The following MBNL3 variants were observed in gnomAD, a reference collection of about 807,000 sequenced individuals.
MBNL3 encodes muscleblind like splicing regulator 3.
In MBNL3, 6 loss-of-function variants were observed where a neutral mutation model predicts 24.5. The ratio of observed to expected loss-of-function variants is 0.25; its 90% confidence interval spans 0.13 to 0.48. The LOEUF (loss-of-function observed/expected upper bound fraction) is 0.48. Among genes scored for constraint, MBNL3 ranks in the 20% least tolerant of loss-of-function variants. The probability of loss-of-function intolerance (pLI) is 0.99; values close to 1 mark genes in which losing one functional copy is unlikely to be tolerated. For missense variants in MBNL3, 230 were observed against 293.5 expected, an observed-to-expected ratio of 0.78 and a Z score of 1.58; for synonymous variants, 100 against 101.7, an observed-to-expected ratio of 0.98 and a Z score of 0.10.
intron 5 of MBNL3, among the ~76,000 whole-genome samples, chrX:132,388,714 C>G (rs1295758201): frequency 9.0e-6 from 1 of 111,076 alleles, no homozygotes; most frequent in African/African-American, 3.3e-5. Flanking sequence ...TGTGGATGAA[C>G]TAAGTATCAA....
intron 1 of MBNL3, among the ~76,000 whole-genome samples, chrX:132,486,389 C>T (rs1195198911): frequency 1.8e-5 from 2 of 111,676 alleles, no homozygotes; most frequent in African/African-American, 6.5e-5. Context: ...TATACAATCA[C>T]TCAAAAGACA....
intron 1 of MBNL3, among the ~76,000 whole-genome samples, chrX:132,466,298 G>A (rs1015893423): frequency 2.7e-5 from 3 of 111,549 alleles, no homozygotes; most frequent in Non-Finnish European, 5.7e-5. Flanking sequence ...TTTGTTAAAC[G>A]GCCCCAAATG....
intron 1 of MBNL3, among the ~76,000 whole-genome samples, chrX:132,466,056 T>C (rs764311261): frequency 1.3e-4 from 15 of 112,200 alleles, no homozygotes; most frequent in Admixed American, 9.5e-4. Flanking sequence ...ATTTCATTTA[T>C]TGGAAAAATG....
chrX:132,472,355 T>C (rs1208001147), intron 1 of MBNL3, among the ~76,000 whole-genome samples: 1 of 111,551 alleles, frequency 9.0e-6, no homozygotes, highest in African/African-American at 3.3e-5. Context: ...ACAAGAGAAA[T>C]TGATTGGAAT....
At chrX:132,384,317 T>C (rs920555631) in intron 7 of MBNL3, among the ~76,000 whole-genome samples, 1 of 112,648 alleles carries the variant, frequency 8.9e-6, no homozygotes, top group Admixed American at 9.4e-5. Flanking sequence ...TTAAGTATTT[T>C]ACAATTTTTA....
chrX:132,435,259 G>C (rs193052401), intron 2 of MBNL3, among the ~76,000 whole-genome samples: 32 of 111,567 alleles, frequency 2.9e-4, no homozygotes, highest in Non-Finnish European at 5.1e-4. Context: ...ACCAGTCAAA[G>C]ATACTTCCCT....
At chrX:132,392,108 A>G in intron 4 of MBNL3, 35 bp downstream of exon 4, 1 of 1,097,146 alleles carries the variant, frequency 9.1e-7, no homozygotes, top group East Asian at 3.0e-5. Flanking sequence ...GTTAATATCT[A>G]TTCTACAGGT....
chrX:132,439,663 T>C lies in MBNL3; in HGVS notation c.-52A>G. ...TACCCTCTTTAGGACAATATTACTG[T>C]GGACTATTAAAGGATTAAAAATGAA... On this transcript the variant is annotated 5_prime_UTR_variant, in exon 2 of 9. Transcript: ENST00000370853. The C allele has an allele frequency of 1.8e-6, 2 of 1,118,200 alleles. No individual in the cohort carries two copies. Among genetic ancestry groups the C allele is most frequent in the Non-Finnish European group, 2.4e-6 (2 of 850,377 alleles). 92.2% of individuals were successfully genotyped at this position (1,118,200 alleles called of 1,213,427 possible). A position where few individuals can be genotyped will look rare whatever the true frequency, so the allele number is the denominator to read the frequency against.
chrX:132,457,982 ACT>A (rs778065360), intron 1 of MBNL3, among the ~76,000 whole-genome samples: 2 of 111,684 alleles, frequency 1.8e-5, no homozygotes, highest in Admixed American at 1.9e-4. Context: ...ACTGGAAATA[ACT>A]CTGAAAGATC....
In MBNL3 at chrX:132,379,497, A is replaced by G; in HGVS notation, c.*169T>C. On this transcript the variant is annotated 3_prime_UTR_variant, in exon 9 of 9. Coordinates refer to ENST00000370853, the MANE Select transcript of MBNL3 (RefSeq NM_001386889.1). Reference sequence around the variant, plus strand: ...GTTTTAACATCTCCATTGATTTTTAATGCTTTATTTTTTATTTGAATTTGC... The same window carrying G: ...GTTTTAACATCTCCATTGATTTTTAGTGCTTTATTTTTTATTTGAATTTGC... 2.3e-6 allele frequency: 1 copy of G among 431,584 alleles called. No homozygotes were observed. Among genetic ancestry groups the G allele is most frequent in the Non-Finnish European group, 3.8e-6 (1 of 263,271 alleles). 35.6% of individuals were successfully genotyped at this position (431,584 alleles called of 1,213,427 possible). A position where few individuals can be genotyped will look rare whatever the true frequency, so the allele number is the denominator to read the frequency against.
intron 3 of MBNL3, among the ~76,000 whole-genome samples, chrX:132,400,556 C>T (rs1362547908): frequency 5.4e-5 from 6 of 111,515 alleles, no homozygotes; most frequent in African/African-American, 9.8e-5. Flanking sequence ...ATGAAACACA[C>T]GAATATATTT....
chrX:132,456,135 C>T (rs1051393848), intron 1 of MBNL3, among the ~76,000 whole-genome samples: 5 of 112,283 alleles, frequency 4.5e-5, no homozygotes, highest in African/African-American at 1.3e-4. Context: ...AGATCTGGCA[C>T]ATTTCTTCTG....
chrX:132,407,283 T>C (rs1182305357), intron 2 of MBNL3, among the ~76,000 whole-genome samples: 5 of 112,044 alleles, frequency 4.5e-5, no homozygotes, highest in South Asian at 3.7e-4. Context: ...CCCAGATGCA[T>C]TGCAACGGCT....
At chrX:132,465,286 T>C (rs1419459918) in intron 1 of MBNL3, among the ~76,000 whole-genome samples, 1 of 111,931 alleles carries the variant, frequency 8.9e-6, no homozygotes, top group African/African-American at 3.2e-5. Context: ...GTAGTGGTAA[T>C]ACTTTTAAAT....
intron 3 of MBNL3, among the ~76,000 whole-genome samples, chrX:132,402,178 A>G (rs1295566527): frequency 9.0e-6 from 1 of 111,623 alleles, no homozygotes; most frequent in Admixed American, 9.5e-5. Context: ...AAATAATCAA[A>G]TGAATACACT....
rs1933937953 is a variant in MBNL3, at chrX:132,374,459, G to A, written c.*5207C>T. Reference sequence around the variant, plus strand: ...CCTGTTACTAGCCTTCTCTTTTGGTGACCTGTAGCAAACTAGAAAGCCTCC... The same window carrying A: ...CCTGTTACTAGCCTTCTCTTTTGGTAACCTGTAGCAAACTAGAAAGCCTCC... On this transcript the variant is annotated 3_prime_UTR_variant, in exon 9 of 9. Coordinates refer to ENST00000370853, the MANE Select transcript of MBNL3 (RefSeq NM_001386889.1). 1 of 111,558 alleles carries A rather than the reference G, an allele frequency of 9.0e-6. No individual in the cohort carries two copies. The highest frequency in any genetic ancestry group is 3.3e-5 in the African/African-American group (1 of 30,740). The allele number at this position is 111,558 out of a possible 1,213,427, so 9.2% of individuals were successfully genotyped here.
Position 132,379,463 on chromosome X carries a change from A to T in MBNL3, c.*203T>A, listed in dbSNP as rs1934455903. 2.7e-6 allele frequency: 1 copy of T among 376,325 alleles called. No homozygotes were observed. Among genetic ancestry groups the T allele is most frequent in the African/African-American group, 2.6e-5 (1 of 37,964 alleles). The allele number at this position is 376,325 out of a possible 1,213,427, so 31.0% of individuals were successfully genotyped here. The stretch of plus-strand genomic sequence containing the variant: ...GATGGATGGTAGTTACTAGTTTTCT[A>T]TTTGTGTTGTTTTAACATCTCCATT... On this transcript the variant is annotated 3_prime_UTR_variant, in exon 9 of 9. Transcript: ENST00000370853.
intron 2 of MBNL3, among the ~76,000 whole-genome samples, chrX:132,436,018 C>T (rs948057262): frequency 8.9e-6 from 1 of 112,173 alleles, no homozygotes; most frequent in Non-Finnish European, 1.9e-5. Flanking sequence ...AGATTGATTT[C>T]GTTTTAAAAA....
At chrX:132,413,432 A>C in intron 2 of MBNL3, 1 of 1,000,220 alleles carries the variant, frequency 1.0e-6, no homozygotes, top group African/African-American at 1.9e-5. Context: ...CTGCCTTGAT[A>C]AGTTGAGCTC....
Sources: gnomAD v4.1 joint callset for allele counts (sites outside exome capture counted in the v4.1 genomes callset) on GRCh38, gnomAD v4.1.1 for gene constraint, MANE v1.5 for transcripts, NCBI Gene and HGNC (gene_info 2026-07-23, HGNC 2026-07-21) for gene names.